The following DTWD1 variants were observed in gnomAD, a reference collection of about 807,000 sequenced individuals.
DTWD1 encodes the protein tRNA-uridine aminocarboxypropyltransferase 1.
Under a neutral mutation model 30.2 loss-of-function variants are expected in DTWD1, and 27 were observed. The observed-to-expected ratio is 0.90, with a 90% CI of 0.66 to 1.23. DTWD1 has a LOEUF of 1.23. Among genes scored for constraint, DTWD1 ranks in the 50% most tolerant of loss-of-function variants. DTWD1 has a pLI of 0.00. For synonymous variants in DTWD1, 99 were observed against 113.1 expected, an observed-to-expected ratio of 0.88 and a Z score of 0.79; for missense variants, 342 against 348.8, an observed-to-expected ratio of 0.98 and a Z score of 0.15.
chr15:49,627,190 C>A (rs986640594), intron 2 of DTWD1, among the ~76,000 whole-genome samples: 1 of 152,008 alleles, frequency 6.6e-6, no homozygotes, highest in African/African-American at 2.4e-5. Flanking sequence ...TGACTCAAGA[C>A]ATTAGTGTTT....
intron 4 of DTWD1, among the ~76,000 whole-genome samples, chr15:49,636,653 A>C (rs2079007093): frequency 6.6e-6 from 1 of 152,178 alleles, no homozygotes; most frequent in African/African-American, 2.4e-5. Context: ...TAGGATACTT[A>C]CAGGTAAGGA....
In DTWD1 at chr15:49,625,194, C is replaced by T. The variant is rs761540120; in HGVS notation, c.27C>T (p.Leu9=). The change falls in exon 2 of 5, where the codon CTC becomes CTT. Residue 9 remains leucine, a synonymous_variant. Transcript: ENST00000403028. ...TGTCTCTCAATCCACCTATATTTCT[C>T]AAACGAAGTGAAGAAAATAGTTCAA... The part of the protein sequence containing the change: MSLNPPIF[L]KRSEENSSKF... The T allele has an allele frequency of 1.2e-6, 2 of 1,613,228 alleles. No homozygotes were observed. Among genetic ancestry groups the T allele is most frequent in the Admixed American group, 1.7e-5 (1 of 59,932 alleles).
rs749020916 is a variant in DTWD1, at chr15:49,643,435, C to G, written c.772C>G (p.Leu258Val). ...TACAATTGAAGCCATTTACTACTTT[C>G]TGGTAGACTACCATACTGATATATT... ...LSTIEAIYYF[L>V]VDYHTDILKE... The change falls in exon 5 of 5, where the codon CTG becomes GTG. Residue 258 changes from leucine to valine, a missense_variant. Physicochemically the swap from Leu to Val is conservative, Grantham distance 32. Coordinates refer to ENST00000403028, the MANE Select transcript of DTWD1 (RefSeq NM_001144955.2). 5 of 1,603,478 alleles carry G rather than the reference C, an allele frequency of 3.1e-6. No homozygotes were observed. The South Asian group carries it at 3.4e-5, about 11-fold the overall frequency.
At position 49,652,785 on chromosome 15, in the gene DTWD1, G is replaced by A. The variant is rs1337639258; in HGVS notation, c.*9207G>A. 6.6e-6 allele frequency: 1 copy of A among 152,132 alleles called. No individual in the cohort carries two copies. Among genetic ancestry groups the A allele is most frequent in the Non-Finnish European group, 1.5e-5 (1 of 68,032 alleles). The allele number at this position is 152,132 out of a possible 1,614,324, so 9.4% of individuals were successfully genotyped here. Reference sequence around the variant, plus strand: ...CAAAGGGTGGATTGTAATAAGCAAAGAGATACACTGCCTGATTCACTTTAA... The same window carrying A: ...CAAAGGGTGGATTGTAATAAGCAAAAAGATACACTGCCTGATTCACTTTAA... On this transcript the variant is annotated 3_prime_UTR_variant, in exon 5 of 5. Coordinates refer to ENST00000403028, the MANE Select transcript of DTWD1 (RefSeq NM_001144955.2).
At chr15:49,628,858 A>G (rs1376808863) in intron 2 of DTWD1, among the ~76,000 whole-genome samples, 1 of 151,696 alleles carries the variant, frequency 6.6e-6, no homozygotes, top group African/African-American at 2.4e-5. Flanking sequence ...TTCTTTTTTA[A>G]TTATACTTTA....
rs2079165240 is a variant in DTWD1 at position 49,653,766 on chromosome 15, T to G, written c.*10188T>G. On this transcript the variant is annotated 3_prime_UTR_variant, in exon 5 of 5. Coordinates refer to ENST00000403028, the MANE Select transcript of DTWD1 (RefSeq NM_001144955.2). Reference sequence around the variant, plus strand: ...TACTGATGAACTTATTATGGCTGCATCTCATAATGTACAGGAAGACATTTA... The same window carrying G: ...TACTGATGAACTTATTATGGCTGCAGCTCATAATGTACAGGAAGACATTTA... The G allele has an allele frequency of 6.6e-6, 1 of 152,110 alleles. No homozygotes were observed. Among genetic ancestry groups the G allele is most frequent in the Admixed American group, 6.6e-5 (1 of 15,244 alleles). 9.4% of individuals were successfully genotyped at this position (152,110 alleles called of 1,614,324 possible). A position where few individuals can be genotyped will look rare whatever the true frequency, so the allele number is the denominator to read the frequency against.
In DTWD1 at chr15:49,645,354, T is replaced by G. The variant is rs2079110467; in HGVS notation, c.*1776T>G. On this transcript the variant is annotated 3_prime_UTR_variant, in exon 5 of 5. Transcript: ENST00000403028. ...GAACTTCTGATTTGGTTTGGTTCAG[T>G]AAGGTCACCATTATATTATGCTATT... 6.6e-6 allele frequency: 1 copy of G among 152,148 alleles called. No individual in the cohort carries two copies. The highest frequency in any genetic ancestry group is 2.4e-5 in the African/African-American group (1 of 41,448). The allele number at this position is 152,148 out of a possible 1,614,324, so 9.4% of individuals were successfully genotyped here.
At chr15:49,628,232 TCTC>T (rs2078871000) in intron 2 of DTWD1, among the ~76,000 whole-genome samples, 1 of 152,168 alleles carries the variant, frequency 6.6e-6, no homozygotes. Context: ...GGAGCTGTCA[TCTC>T]CTATGATAGC....
chr15:49,640,715 A>G (rs546483910), intron 4 of DTWD1, among the ~76,000 whole-genome samples: 2 of 151,840 alleles, frequency 1.3e-5, no homozygotes, highest in African/African-American at 4.8e-5. Context: ...ATTTGGCCAT[A>G]TACGTGTCCT....
In DTWD1 at chr15:49,655,227, T is replaced by A. The variant is rs2153355218; in HGVS notation, c.*11649T>A. 6.6e-6 allele frequency: 1 copy of A among 152,224 alleles called. No individual in the cohort carries two copies. The highest frequency in any genetic ancestry group is 1.9e-4 in the East Asian group (1 of 5,166). The allele number at this position is 152,224 out of a possible 1,614,324, so 9.4% of individuals were successfully genotyped here. A position where few individuals can be genotyped will look rare whatever the true frequency, so the allele number is the denominator to read the frequency against. On this transcript the variant is annotated 3_prime_UTR_variant, in exon 5 of 5. Transcript: ENST00000403028. ...ACATAAGTGACCCTGGGTAACACCA[T>A]CTGGAGCTGAAGAACCACCAGCCAG...
chr15:49,625,334 C>G lies in DTWD1; in HGVS notation c.167C>G (p.Ser56Ter), dbSNP rs2078827260. Residue 56 changes from serine to a stop codon, truncating the protein, a stop_gained, in exon 2 of 5, where the codon TCA (serine) becomes TGA (stop). Transcript: ENST00000403028. LOFTEE classifies it high-confidence loss of function. Reference sequence around the variant, plus strand: ...CAAAAAGCTCAGCAAAGTGGGAGATCAAAATGTCTCAAATGTGGTGGTTCC... The same window carrying G: ...CAAAAAGCTCAGCAAAGTGGGAGATGAAAATGTCTCAAATGTGGTGGTTCC... ...VLQKAQQSGR[S>*]KCLKCGGSRM... is the part of the protein sequence containing the mutation. The G allele has an allele frequency of 6.2e-7, 1 of 1,613,544 alleles. No homozygotes were observed. The highest frequency in any genetic ancestry group is 8.5e-7 in the Non-Finnish European group (1 of 1,179,702).
chr15:49,643,538 A>G lies in DTWD1; in HGVS notation c.875A>G (p.Lys292Arg), dbSNP rs755722280. 1.2e-6 allele frequency: 2 copies of G among 1,606,232 alleles called. No individual in the cohort carries two copies. The highest frequency in any genetic ancestry group is 1.3e-5 in the African/African-American group (1 of 74,478). ...ATGTACCAGTTGATAAAGAATGCCA[A>G]ATGCTCTGGAGATAAGGAAACAGGA... The part of the protein sequence containing the change: ...SFMYQLIKNA[K>R]CSGDKETGKL... Residue 292 changes from lysine to arginine, a missense_variant, in exon 5 of 5, where the codon AAA becomes AGA. Transcript: ENST00000403028.
intron 2 of DTWD1, among the ~76,000 whole-genome samples, chr15:49,628,547 C>G (rs1453555512): frequency 6.6e-6 from 1 of 150,560 alleles, no homozygotes; most frequent in African/African-American, 2.5e-5. Context: ...CATTTAGAGC[C>G]TAGAATTTAA....
rs2079103217 is a variant in DTWD1 at position 49,644,602 on chromosome 15, G to T, written c.*1024G>T. The T allele has an allele frequency of 6.6e-6, 1 of 152,176 alleles. No individual in the cohort carries two copies. The highest frequency in any genetic ancestry group is 1.5e-5 in the Non-Finnish European group (1 of 68,052). The allele number at this position is 152,176 out of a possible 1,614,324, so 9.4% of individuals were successfully genotyped here. ...GGAGATTAGAAGTTGAGAGGAAAAT[G>T]AAATGATGTTATTTATTTCCCTGGC... On this transcript the variant is annotated 3_prime_UTR_variant, in exon 5 of 5. Transcript: ENST00000403028.
At position 49,650,627 on chromosome 15, in the gene DTWD1, C is replaced by T. The variant is rs1228822899; in HGVS notation, c.*7049C>T. ...CAGAAATCCACCAGTATCAGCACTTCATCTGCAACAGCTATAGAAAAAGCT... is the reference window on the plus strand; with the variant it reads ...CAGAAATCCACCAGTATCAGCACTTTATCTGCAACAGCTATAGAAAAAGCT... On this transcript the variant is annotated 3_prime_UTR_variant, in exon 5 of 5. Coordinates refer to ENST00000403028, the MANE Select transcript of DTWD1 (RefSeq NM_001144955.2). 4 of 152,198 alleles carry T rather than the reference C, an allele frequency of 2.6e-5. No homozygotes were observed. The South Asian group carries it at 8.3e-4, about 31-fold the overall frequency. 9.4% of individuals were successfully genotyped at this position (152,198 alleles called of 1,614,324 possible).
chr15:49,625,502 C>G, intron 2 of DTWD1, 71 bp downstream of exon 2: 2 of 1,303,484 alleles, frequency 1.5e-6, no homozygotes, highest in South Asian at 2.9e-5. Context: ...TATACCTACT[C>G]TAATTGATAA....
chr15:49,643,405 C>T lies in DTWD1; in HGVS notation c.742C>T (p.Leu248Phe). 6.3e-7 allele frequency: 1 copy of T among 1,598,490 alleles called. No homozygotes were observed. Among genetic ancestry groups the T allele is most frequent in the Non-Finnish European group, 8.5e-7 (1 of 1,174,442 alleles). The change falls in exon 5 of 5, where the codon CTT (leucine) becomes TTT (phenylalanine). Residue 248 changes from leucine (L) to phenylalanine (F), a missense_variant. By Grantham distance (22) the Leu-to-Phe change is conservative. Coordinates refer to ENST00000403028, the MANE Select transcript of DTWD1 (RefSeq NM_001144955.2). ...TCAAAAAGGAAAGCCAGATACTTTC[C>T]TTTCTACAATTGAAGCCATTTACTA... is the stretch of plus-strand genomic sequence containing the variant. ...RHQKGKPDTF[L>F]STIEAIYYFL... is the part of the protein sequence containing the mutation.
intron 2 of DTWD1, among the ~76,000 whole-genome samples, chr15:49,628,920 G>A (rs1438534427): frequency 1.3e-5 from 2 of 151,988 alleles, no homozygotes; most frequent in Admixed American, 1.3e-4. Context: ...TGATACACAT[G>A]TGCCCTGGTA....
rs907452488 is a variant in DTWD1 at position 49,651,735 on chromosome 15, C to G, written c.*8157C>G. 3.3e-5 allele frequency: 5 copies of G among 152,084 alleles called. No individual in the cohort carries two copies. The highest frequency in any genetic ancestry group is 1.2e-4 in the African/African-American group (5 of 41,422). 9.4% of individuals were successfully genotyped at this position (152,084 alleles called of 1,614,324 possible). A position where few individuals can be genotyped will look rare whatever the true frequency, so the allele number is the denominator to read the frequency against. On this transcript the variant is annotated 3_prime_UTR_variant, in exon 5 of 5. Transcript: ENST00000403028. ...CTTTGCAGAGCCTCAGTCAGTATCA[C>G]CATTTGAGTTTACTTAGTATTGTAT...
Sources: gnomAD v4.1 joint callset for allele counts (sites outside exome capture counted in the v4.1 genomes callset) on GRCh38, gnomAD v4.1.1 for gene constraint, MANE v1.5 for transcripts, NCBI Gene and HGNC (gene_info 2026-07-23, HGNC 2026-07-21) for gene names.